The following CLINT1 variants were observed in gnomAD, a reference collection of about 807,000 sequenced individuals.
CLINT1 encodes clathrin interacting protein localized in the trans-Golgi region.
CLINT1 carries 15 observed loss-of-function variants against 70.4 expected under a neutral mutation model. That is an observed-to-expected ratio of 0.21 (90% CI 0.14 to 0.33). CLINT1 has a LOEUF of 0.33. Among genes scored for constraint, CLINT1 ranks in the 10% least tolerant of loss-of-function variants. CLINT1 has a pLI of 1.00. For missense variants in CLINT1, 615 were observed against 778.1 expected, an observed-to-expected ratio of 0.79 and a Z score of 2.49; for synonymous variants, 227 against 254.7, an observed-to-expected ratio of 0.89 and a Z score of 1.04.
chr5:157,858,894 C>CCCCA, intron 1 of CLINT1, 36 bp downstream of exon 1: 1 of 1,371,972 alleles, frequency 7.3e-7, no homozygotes, highest in Admixed American at 1.9e-5. Flanking sequence ...CCCTCCCCCA[C>CCCCA]GTGGGCCTCG....
At chr5:157,855,037 G>T (rs184525751) in intron 1 of CLINT1, among the ~76,000 whole-genome samples, 2 of 151,638 alleles carry the variant, frequency 1.3e-5, no homozygotes, top group Admixed American at 1.3e-4. Flanking sequence ...CCAGCTACTC[G>T]GGAGGCTGAG....
chr5:157,798,202 T>TAG (rs1235638203), intron 8 of CLINT1, among the ~76,000 whole-genome samples: 28 of 152,340 alleles, frequency 1.8e-4, no homozygotes, highest in African/African-American at 6.7e-4. Context: ...TTTCTATACT[T>TAG]AAGCATTTTC....
chr5:157,844,375 T>G (rs1753297213), intron 1 of CLINT1, among the ~76,000 whole-genome samples: 1 of 152,156 alleles, frequency 6.6e-6, no homozygotes, highest in South Asian at 2.1e-4. Flanking sequence ...CTTGTGTCAT[T>G]TTCTATTTTT....
intron 1 of CLINT1, among the ~76,000 whole-genome samples, chr5:157,832,275 G>A (rs1046531434): frequency 4.2e-4 from 64 of 152,168 alleles, no homozygotes; most frequent in African/African-American, 1.4e-3. Context: ...GAGCCACAGC[G>A]CCCAGCCAGA....
At chr5:157,800,228 T>C (rs1762169328) in intron 8 of CLINT1, among the ~76,000 whole-genome samples, 1 of 152,130 alleles carries the variant, frequency 6.6e-6, no homozygotes, top group Non-Finnish European at 1.5e-5. Flanking sequence ...GCTAAGAACA[T>C]GTAATCACAC....
intron 1 of CLINT1, among the ~76,000 whole-genome samples, chr5:157,830,056 CT>C (rs781253283): frequency 3.3e-5 from 5 of 152,108 alleles, no homozygotes; most frequent in African/African-American, 4.8e-5. Context: ...TCAAGCGATC[CT>C]CTCACATCAG....
At chr5:157,811,238 CA>C (rs1762546474) in intron 5 of CLINT1, among the ~76,000 whole-genome samples, 1 of 152,062 alleles carries the variant, frequency 6.6e-6, no homozygotes, top group South Asian at 2.1e-4. Flanking sequence ...TATCTAATGT[CA>C]GAATGAAAAA....
At chr5:157,825,208 A>G (rs1375721117) in intron 1 of CLINT1, among the ~76,000 whole-genome samples, 1 of 152,144 alleles carries the variant, frequency 6.6e-6, no homozygotes, top group Non-Finnish European at 1.5e-5. Flanking sequence ...CAATGATATC[A>G]TATGTATATG....
At chr5:157,808,402 A>T (rs1291306142) in intron 6 of CLINT1, among the ~76,000 whole-genome samples, 2 of 152,044 alleles carry the variant, frequency 1.3e-5, no homozygotes, top group African/African-American at 4.8e-5. Flanking sequence ...TAGTTACGAG[A>T]ACTCACTTGA....
At chr5:157,806,204 G>A in intron 6 of CLINT1, 92 bp from the exon 7 acceptor site, 1 of 1,310,438 alleles carries the variant, frequency 7.6e-7, no homozygotes, top group South Asian at 1.5e-5. Context: ...TTCAAATACA[G>A]TAACTCCAAA....
At chr5:157,839,619 A>T (rs1015020458) in intron 1 of CLINT1, among the ~76,000 whole-genome samples, 5 of 146,626 alleles carry the variant, frequency 3.4e-5, no homozygotes, top group African/African-American at 1.3e-4. Context: ...TAAAAAAAAA[A>T]AACAAACAAA....
chr5:157,816,904 T>C lies in CLINT1; in HGVS notation c.147-74A>G, dbSNP rs1762737236. On this transcript the variant is annotated intron_variant, in intron 2 of 11. Coordinates refer to ENST00000411809, the MANE Select transcript of CLINT1 (RefSeq NM_014666.4). ...AGTAGATGGCAGACTTGTTCTAATT[T>C]GGTGTTTCCCTGAAGAGTTTTTAAA... is the stretch of plus-strand genomic sequence containing the variant. 6 of 1,100,334 alleles carry C rather than the reference T, an allele frequency of 5.5e-6. No individual in the cohort carries two copies. In the South Asian group the frequency reaches 7.2e-5, roughly 13 times the overall value. The allele number at this position is 1,100,334 out of a possible 1,614,324, so 68.2% of individuals were successfully genotyped here. A position where few individuals can be genotyped will look rare whatever the true frequency, so the allele number is the denominator to read the frequency against.
At chr5:157,844,273 T>C (rs1753293697) in intron 1 of CLINT1, among the ~76,000 whole-genome samples, 1 of 152,208 alleles carries the variant, frequency 6.6e-6, no homozygotes, top group Non-Finnish European at 1.5e-5. Flanking sequence ...TCTCAAATTA[T>C]TTAATCTGCA....
chr5:157,812,269 G>A (rs2113202449), intron 5 of CLINT1, among the ~76,000 whole-genome samples: 1 of 152,190 alleles, frequency 6.6e-6, no homozygotes, highest in Middle Eastern at 3.4e-3. Context: ...GGGGGAGCTG[G>A]AGAGCCTCAG....
chr5:157,809,987 G>A (rs1762505879), intron 5 of CLINT1, among the ~76,000 whole-genome samples, 182 bp from the exon 6 acceptor site: 1 of 152,202 alleles, frequency 6.6e-6, no homozygotes, highest in Non-Finnish European at 1.5e-5. Context: ...CAGTCATTAA[G>A]TGGCAGGAAT....
At chr5:157,831,612 T>C (rs145858684) in intron 1 of CLINT1, among the ~76,000 whole-genome samples, 25 of 151,784 alleles carry the variant, frequency 1.6e-4, no homozygotes, top group South Asian at 8.3e-4. Flanking sequence ...ACATTGTTCA[T>C]AGGGGCCAAT....
chr5:157,854,910 G>A (rs1275525363), intron 1 of CLINT1, among the ~76,000 whole-genome samples: 6 of 152,092 alleles, frequency 3.9e-5, no homozygotes, highest in South Asian at 4.1e-4. Context: ...TTGGGAGGCC[G>A]AGGTGGGTGG....
Position 157,803,735 on chromosome 5 carries a change from T to G in CLINT1, c.943-16A>C, listed in dbSNP as rs371124871. The stretch of plus-strand genomic sequence containing the variant: ...GCACTGAAGTCTGAAAACACACACA[T>G]AACTCAGGAGCTTCGAAAAGTTTGT... On this transcript the variant is annotated splice_polypyrimidine_tract_variant and intron_variant, in intron 7 of 11. Transcript: ENST00000411809. 3 of 1,533,128 alleles carry G rather than the reference T, an allele frequency of 2.0e-6. No homozygotes were observed. Among genetic ancestry groups the G allele is most frequent in the Non-Finnish European group, 2.7e-6 (3 of 1,130,696 alleles). 95.0% of individuals were successfully genotyped at this position (1,533,128 alleles called of 1,614,324 possible).
At chr5:157,819,571 C>A (rs1344699413) in intron 1 of CLINT1, among the ~76,000 whole-genome samples, 1 of 152,168 alleles carries the variant, frequency 6.6e-6, no homozygotes, top group Non-Finnish European at 1.5e-5. Flanking sequence ...CAGCCAATAA[C>A]AGATTCACAA....
Sources: allele counts gnomAD v4.1 joint callset (sites outside exome capture counted in the v4.1 genomes callset), GRCh38; gene constraint gnomAD v4.1.1; transcripts MANE v1.5; gene names NCBI Gene and HGNC (gene_info 2026-07-23, HGNC 2026-07-21).